The following MYOM1 variants were observed in gnomAD, a reference collection of about 807,000 sequenced individuals.
MYOM1 encodes myomesin 1.
A neutral mutation model predicts 205.3 loss-of-function variants in MYOM1; 164 were observed. That is an observed-to-expected ratio of 0.80 (90% CI 0.70 to 0.91). MYOM1 has a LOEUF of 0.91. Among genes scored for constraint, MYOM1 ranks in the 40% least tolerant of loss-of-function variants. The probability of loss-of-function intolerance (pLI) is 0.00; values close to 1 mark genes in which losing one functional copy is unlikely to be tolerated. For synonymous variants in MYOM1, 772 were observed against 789.4 expected (o/e 0.98, Z 0.37); for missense variants, 2,011 against 2,127.3 (o/e 0.95, Z 1.08).
rs1143657 is a variant in MYOM1, at chr18:3,075,748, G to A, written c.4662C>T (p.Ala1554=). ...ACTTCAACCTCTGGAATTCAGCATA[G>A]GCCTCATCGTATGCTTTAAAAGAAA... ...VDLSGQAYDE[A]YAEFQRLKQA... The change falls in exon 35 of 38, where the codon GCC becomes GCT. Residue 1554 remains alanine (A), a synonymous_variant. Coordinates refer to ENST00000356443, the MANE Select transcript of MYOM1 (RefSeq NM_003803.4). 270,941 of 1,575,868 alleles carry A rather than the reference G, an allele frequency of 0.17. 25,737 individuals carry two copies. The highest frequency in any genetic ancestry group is 0.19 in the East Asian group (8,205 of 44,152).
intron 25 of MYOM1, among the ~76,000 whole-genome samples, chr18:3,094,585 C>A: frequency 6.6e-6 from 1 of 152,060 alleles, no homozygotes; most frequent in East Asian, 1.9e-4. Context: ...ATGAACTTAC[C>A]TCTAGGGGCA....
At chr18:3,110,740 CTTTT>C (rs60485833) in intron 22 of MYOM1, among the ~76,000 whole-genome samples, 3 of 141,434 alleles carry the variant, frequency 2.1e-5, no homozygotes, top group Non-Finnish European at 3.0e-5. Context: ...TCTTTTTTTT[CTTTT>C]TTTTTTTTTT....
chr18:3,188,329 C>G (rs1446810412), intron 4 of MYOM1, among the ~76,000 whole-genome samples: 1 of 152,040 alleles, frequency 6.6e-6, no homozygotes, highest in African/African-American at 2.4e-5. Context: ...TCATTTGAAA[C>G]AAATCAGCTG....
chr18:3,175,591 T>TC (rs1452162399), intron 6 of MYOM1, among the ~76,000 whole-genome samples: 1 of 152,158 alleles, frequency 6.6e-6, no homozygotes, highest in East Asian at 1.9e-4. Flanking sequence ...GAACATTATC[T>TC]CCAAGTTTAG....
chr18:3,135,670 G>C lies in MYOM1; in HGVS notation c.2086C>G (p.Arg696Gly). The part of the protein sequence containing the change: ...VNTELPVKSP[R>G]FALFDLAEGK... ...TCGGCCAAGTCAAACAGAGCAAAGC[G>C]GGGAGACTTCACAGGGAGCTCCGTG... is the stretch of plus-strand genomic sequence containing the variant. The change falls in exon 15 of 38, where the codon CGC becomes GGC. Residue 696 changes from arginine to glycine, a missense_variant. Coordinates refer to ENST00000356443, the MANE Select transcript of MYOM1 (RefSeq NM_003803.4). This position sits in a 1 kb window ranked among gnomAD's most constrained non-coding sequence, Gnocchi z 4.1. The C allele has an allele frequency of 1.9e-6, 3 of 1,613,898 alleles. No individual in the cohort carries two copies. Among genetic ancestry groups the C allele is most frequent in the Non-Finnish European group, 2.5e-6 (3 of 1,179,866 alleles).
chr18:3,112,460 C>A, intron 21 of MYOM1, 48 bp from the exon 22 acceptor site: 1 of 1,444,230 alleles, frequency 6.9e-7, no homozygotes. Flanking sequence ...GAAGCAGTGG[C>A]TGTTTTATGT....
At chr18:3,221,209 G>T (rs1378793463), upstream of MYOM1, among the ~76,000 whole-genome samples, 2 of 151,878 alleles carry the variant, frequency 1.3e-5, no homozygotes, top group African/African-American at 2.4e-5. Flanking sequence ...TGGTAGAAAT[G>T]GAGTTTCACC....
At position 3,119,988 on chromosome 18, in the gene MYOM1, T is replaced by G. The variant is rs1483195143; in HGVS notation, c.2999A>C (p.Asn1000Thr). Residue 1000 changes from asparagine (N) to threonine (T), a missense_variant, in exon 20 of 38, where the codon AAC becomes ACC. Coordinates refer to ENST00000356443, the MANE Select transcript of MYOM1 (RefSeq NM_003803.4). ...AVSEEAYKIS[N>T]LKENMVYQFQ... ...CTGATACACCATGTTTTCCTTCAAG[T>G]TGCTAATCTGCAACATTGACAACAT... 6.9e-6 allele frequency: 11 copies of G among 1,597,584 alleles called. No homozygotes were observed. Among genetic ancestry groups the G allele is most frequent in the Non-Finnish European group, 9.4e-6 (11 of 1,171,490 alleles).
rs5822732 is a variant in MYOM1 at position 3,079,441 on chromosome 18, CT to C, written c.4485-100del. On this transcript the variant is annotated intron_variant, in intron 33 of 37. Coordinates refer to ENST00000356443, the MANE Select transcript of MYOM1 (RefSeq NM_003803.4). ...AGCTCTTGCCATAAAGTTTTGTAGG[CT>C]TTCAAAAAACGAGGGATCTGCATAT... 0.079 allele frequency: 105,856 copies of C among 1,339,942 alleles called. 4,458 individuals are homozygous for C. Among genetic ancestry groups the C allele is most frequent in the South Asian group, 0.091 (5,576 of 60,940 alleles). 83.0% of individuals were successfully genotyped at this position (1,339,942 alleles called of 1,614,324 possible). A position where few individuals can be genotyped will look rare whatever the true frequency, so the allele number is the denominator to read the frequency against.
intron 1 of MYOM1, among the ~76,000 whole-genome samples, chr18:3,218,382 T>A (rs894069017): frequency 1.3e-5 from 2 of 152,218 alleles, no homozygotes; most frequent in Non-Finnish European, 2.9e-5. Context: ...TAAACTATTT[T>A]AAAAGTCAGC....
At chr18:3,161,585 C>T (rs1429502238) in intron 10 of MYOM1, among the ~76,000 whole-genome samples, 2 of 152,228 alleles carry the variant, frequency 1.3e-5, no homozygotes, top group Non-Finnish European at 2.9e-5. Flanking sequence ...GAACCTGGGA[C>T]AGTACCCCAG....
At chr18:3,094,690 C>T (rs114089090) in intron 25 of MYOM1, among the ~76,000 whole-genome samples, 3,518 of 149,668 alleles carry the variant, frequency 0.024, 130 homozygotes, top group African/African-American at 0.082. Context: ...GCAATAGGTT[C>T]TCACTCTGTT....
In MYOM1 at chr18:3,079,331, A is replaced by T. The variant is rs1060502820; in HGVS notation, c.4496T>A (p.Ile1499Asn). 1.2e-6 allele frequency: 2 copies of T among 1,609,736 alleles called. No homozygotes were observed. Among genetic ancestry groups the T allele is most frequent in the South Asian group, 2.2e-5 (2 of 90,808 alleles). Residue 1499 changes from isoleucine to asparagine, a missense_variant, in exon 34 of 38, where the codon ATT becomes AAT. Transcript: ENST00000356443. ...GGTCTTAACTCTGTCTGAGTACCTAATGGCGGACCCACTGTGAAAATCGAA... is the reference window on the plus strand; with the variant it reads ...GGTCTTAACTCTGTCTGAGTACCTATTGGCGGACCCACTGTGAAAATCGAA... ...KVNWSHNGSAIRYSDRVKTGV... is the reference protein window; with the variant it reads ...KVNWSHNGSANRYSDRVKTGV...
At chr18:3,112,235 C>CT in intron 22 of MYOM1, 63 bp downstream of exon 22, 1 of 1,387,022 alleles carries the variant, frequency 7.2e-7, no homozygotes, top group Non-Finnish European at 1.0e-6. Context: ...CACAGAAAGG[C>CT]CGAACCTTAG....
chr18:3,071,902 G>A lies in MYOM1; in HGVS notation c.4709-13C>T. 1.2e-6 allele frequency: 2 copies of A among 1,600,428 alleles called. No homozygotes were observed. Among genetic ancestry groups the A allele is most frequent in the East Asian group, 2.3e-5 (1 of 44,238 alleles). Reference sequence around the variant, plus strand: ...ACCCGGGCACGATCTGCAAGCATAGGCATTTTGGGTTAATCACTGCAGTGG... The same window carrying A: ...ACCCGGGCACGATCTGCAAGCATAGACATTTTGGGTTAATCACTGCAGTGG... On this transcript the variant is annotated splice_polypyrimidine_tract_variant and intron_variant, in intron 36 of 37. Transcript: ENST00000356443.
intron 22 of MYOM1, among the ~76,000 whole-genome samples, chr18:3,107,219 G>A (rs1024630159): frequency 3.9e-5 from 6 of 152,162 alleles, no homozygotes; most frequent in African/African-American, 1.4e-4. Context: ...CTGGGTTCAA[G>A]TGATTCTCCT....
At chr18:3,243,022 A>T in the MYOM1 span, among the ~76,000 whole-genome samples, 2 of 152,132 alleles carry the variant, frequency 1.3e-5, no homozygotes, top group African/African-American at 4.8e-5. Flanking sequence ...AATACCCTTA[A>T]TTCAATTTCA....
intron 1 of MYOM1, among the ~76,000 whole-genome samples, chr18:3,216,033 C>T (rs558766294): frequency 2.6e-5 from 4 of 152,184 alleles, no homozygotes; most frequent in South Asian, 2.1e-4. Context: ...TTTGGGAGGC[C>T]GAGGCAGGCG....
rs144764310 is a variant in MYOM1 at position 3,175,024 on chromosome 18, G to A, written c.1023-816C>T. Reference sequence around the variant, plus strand: ...TTCTCGTGTTCTTCATTGTTTCTCGGGGTTTAGTTTCATTTGTGTAAATTT... The same window carrying A: ...TTCTCGTGTTCTTCATTGTTTCTCGAGGTTTAGTTTCATTTGTGTAAATTT... On this transcript the variant is annotated intron_variant, in intron 6 of 37. Coordinates refer to ENST00000356443, the MANE Select transcript of MYOM1 (RefSeq NM_003803.4). Among the ~76,000 whole-genome samples, 913 of 152,146 alleles carry A rather than the reference G, an allele frequency of 6.0e-3. 3 individuals are homozygous for A. Among genetic ancestry groups the A allele is most frequent in the African/African-American group, 0.02 (823 of 41,510 alleles).
Sources: allele counts gnomAD v4.1 joint callset (sites outside exome capture counted in the v4.1 genomes callset), GRCh38; gene constraint gnomAD v4.1.1; non-coding constraint Gnocchi (gnomAD v3.1); transcripts MANE v1.5; gene names NCBI Gene and HGNC (gene_info 2026-07-23, HGNC 2026-07-21).